Variants in SLC9A9 observed in about 807,000 individuals in gnomAD.
SLC9A9 encodes sodium/hydrogen exchanger 9.
In SLC9A9, 62 loss-of-function variants were observed where a neutral mutation model predicts 77.8. The observed-to-expected ratio is 0.80, with a 90% CI of 0.65 to 0.98. The LOEUF (loss-of-function observed/expected upper bound fraction) is 0.98. SLC9A9 is among the 50% of genes least tolerant of loss of function. SLC9A9 has a pLI of 0.00. For synonymous variants in SLC9A9, 320 were observed against 283.5 expected (o/e 1.13, Z -1.29); for missense variants, 775 against 774.9 (o/e 1.00, Z 0.00).
chr3:143,398,530 G>A (rs80308025), intron 12 of SLC9A9, among the ~76,000 whole-genome samples: 8,472 of 152,242 alleles, frequency 0.056, 332 homozygotes, highest in African/African-American at 0.11. Flanking sequence ...AGTTTGGGAA[G>A]AGGATCTGAA....
chr3:143,512,779 G>A (rs1447408468), intron 9 of SLC9A9, among the ~76,000 whole-genome samples: 2 of 152,146 alleles, frequency 1.3e-5, no homozygotes, highest in Non-Finnish European at 2.9e-5. Context: ...GGAAGACTGA[G>A]GCAGAGAATT....
At chr3:143,498,432 T>C (rs1184001520) in intron 9 of SLC9A9, among the ~76,000 whole-genome samples, 1 of 152,056 alleles carries the variant, frequency 6.6e-6, no homozygotes, top group Non-Finnish European at 1.5e-5. Flanking sequence ...TGTGTGCCTG[T>C]GGTTCCAGCT....
At chr3:143,772,157 C>T (rs190928084) in intron 4 of SLC9A9, among the ~76,000 whole-genome samples, 1 of 152,004 alleles carries the variant, frequency 6.6e-6, no homozygotes, top group East Asian at 1.9e-4. Context: ...ACTTTGCTGC[C>T]AGGACAAGCA....
intron 6 of SLC9A9, among the ~76,000 whole-genome samples, chr3:143,648,667 GT>G (rs2038745088): frequency 6.6e-6 from 1 of 152,168 alleles, no homozygotes; most frequent in Non-Finnish European, 1.5e-5. Flanking sequence ...CCTTTCTCCA[GT>G]CTCAGCTCAT....
intron 12 of SLC9A9, among the ~76,000 whole-genome samples, chr3:143,463,339 C>T (rs2035229882): frequency 6.6e-6 from 1 of 152,198 alleles, no homozygotes; most frequent in East Asian, 1.9e-4. Flanking sequence ...CCATGCGGTG[C>T]TCTACCCTAA....
intron 2 of SLC9A9, among the ~76,000 whole-genome samples, chr3:143,815,466 G>C (rs1160086327): frequency 6.6e-6 from 1 of 151,862 alleles, no homozygotes; most frequent in Non-Finnish European, 1.5e-5. Context: ...TGTCTTAGCA[G>C]TTTTGACTTC....
intron 14 of SLC9A9, among the ~76,000 whole-genome samples, chr3:143,346,266 C>T (rs1432184177): frequency 6.6e-6 from 1 of 152,080 alleles, no homozygotes; most frequent in African/African-American, 2.4e-5. Flanking sequence ...AACTGTAGTC[C>T]AGATGATTAA....
chr3:143,548,030 A>AAGGTAAGTAGAAAGTAAATG (rs2036817793), intron 9 of SLC9A9, among the ~76,000 whole-genome samples: 2 of 152,224 alleles, frequency 1.3e-5, no homozygotes, highest in African/African-American at 4.8e-5. Context: ...CTTAGGTAGA[A>AAGGTAAGTAGAAAGTAAATG]AGGTAAGTAG....
intron 14 of SLC9A9, chr3:143,346,897 ACT>A (rs1027484982): frequency 6.6e-6 from 1 of 152,176 alleles, no homozygotes; most frequent in African/African-American, 2.4e-5. Flanking sequence ...TTGTATTCAA[ACT>A]CTACAAAATT....
At chr3:143,727,174 A>G (rs1934675632) in intron 4 of SLC9A9, among the ~76,000 whole-genome samples, 1 of 152,196 alleles carries the variant, frequency 6.6e-6, no homozygotes. Flanking sequence ...ATAAATATTC[A>G]TTGATTGATA....
chr3:143,495,480 A>G (rs2035818534), intron 9 of SLC9A9, 32 bp from the exon 10 acceptor site: 1 of 1,521,736 alleles, frequency 6.6e-7, no homozygotes, highest in Non-Finnish European at 9.1e-7. Flanking sequence ...AAAACCATTA[A>G]TTATAACTCA....
chr3:143,421,265 T>C (rs529071932), intron 12 of SLC9A9, among the ~76,000 whole-genome samples: 2 of 152,298 alleles, frequency 1.3e-5, no homozygotes, highest in South Asian at 4.1e-4. Flanking sequence ...TAGGAAAAAC[T>C]ATTCTAAAAT....
At chr3:143,548,916 A>G (rs1341159850) in intron 9 of SLC9A9, among the ~76,000 whole-genome samples, 1 of 152,230 alleles carries the variant, frequency 6.6e-6, no homozygotes, top group Non-Finnish European at 1.5e-5. Flanking sequence ...AAATCATGTC[A>G]TCTTTGAATT....
At chr3:143,660,439 A>T (rs1400392470) in intron 5 of SLC9A9, among the ~76,000 whole-genome samples, 1 of 152,168 alleles carries the variant, frequency 6.6e-6, no homozygotes, top group South Asian at 2.1e-4. Context: ...TGGTCTTCTG[A>T]TGGGAAGAAA....
chr3:143,451,888 T>C (rs930127786), intron 12 of SLC9A9, among the ~76,000 whole-genome samples: 1 of 152,112 alleles, frequency 6.6e-6, no homozygotes, highest in African/African-American at 2.4e-5. Context: ...ATTAGTAATA[T>C]ATATGATTAA....
At chr3:143,305,117 T>C (rs1044830877) in intron 14 of SLC9A9, among the ~76,000 whole-genome samples, 2 of 152,200 alleles carry the variant, frequency 1.3e-5, no homozygotes, top group Admixed American at 6.5e-5. Flanking sequence ...TATATCAATA[T>C]CTGTTTGCTC....
At chr3:143,366,184 C>T (rs2032896023) in intron 13 of SLC9A9, among the ~76,000 whole-genome samples, 1 of 152,188 alleles carries the variant, frequency 6.6e-6, no homozygotes, top group Non-Finnish European at 1.5e-5. Flanking sequence ...GAATGATGTT[C>T]CCAATAATGA....
intron 6 of SLC9A9, among the ~76,000 whole-genome samples, chr3:143,632,348 T>C (rs55948152): frequency 0.033 from 5,009 of 152,176 alleles, 124 homozygotes; most frequent in Non-Finnish European, 0.053. Context: ...GAAAAGATTC[T>C]AATGGAATGG....
chr3:143,668,183 G>T (rs566609627), intron 5 of SLC9A9, among the ~76,000 whole-genome samples: 91 of 152,110 alleles, frequency 6.0e-4, no homozygotes, highest in Non-Finnish European at 9.9e-4. Context: ...CCTTTGTAGG[G>T]ACATGGATGA....
Sources: allele counts gnomAD v4.1 joint callset (sites outside exome capture counted in the v4.1 genomes callset), GRCh38; gene constraint gnomAD v4.1.1; transcripts MANE v1.5; gene names NCBI Gene and HGNC (gene_info 2026-07-23, HGNC 2026-07-21).